RPL19: variants seen among roughly 807,000 people sequenced by gnomAD.
The protein encoded by RPL19 is large ribosomal subunit protein eL19.
In RPL19, 2 loss-of-function variants were observed where a neutral mutation model predicts 25.1. That is an observed-to-expected ratio of 0.08 (90% CI 0.03 to 0.25). The LOEUF (loss-of-function observed/expected upper bound fraction) is 0.25, where lower values mean the gene tolerates loss of function less well. RPL19 is among the 10% of genes least tolerant of loss of function. The pLI, the probability that RPL19 is intolerant of heterozygous loss-of-function variation, is 1.00. For missense variants in RPL19, 123 were observed against 271.8 expected, an observed-to-expected ratio of 0.45 and a Z score of 3.85; for synonymous variants, 89 against 91.2, an observed-to-expected ratio of 0.98 and a Z score of 0.14.
intron 2 of RPL19, among the ~76,000 whole-genome samples, 190 bp downstream of exon 2, chr17:39,201,509 C>T (rs1284575753): frequency 6.6e-6 from 1 of 151,900 alleles, no homozygotes. Flanking sequence ...TCTCCCACCT[C>T]AGCCTCCTGA....
intron 1 of RPL19, 141 bp downstream of exon 1, chr17:39,200,490 C>T: frequency 7.6e-7 from 1 of 1,308,702 alleles, no homozygotes; most frequent in Non-Finnish European, 9.8e-7. Flanking sequence ...TAGGCCGGAG[C>T]ACTTTCGTCC....
rs1254735850 is a variant in RPL19 at position 39,204,728 on chromosome 17, CT to C, written c.*82del. 2 of 1,403,330 alleles carry C rather than the reference CT, an allele frequency of 1.4e-6. No individual in the cohort carries two copies. The highest frequency in any genetic ancestry group is 4.7e-5 in the East Asian group (2 of 42,542). The allele number at this position is 1,403,330 out of a possible 1,614,324, so 86.9% of individuals were successfully genotyped here. Reference sequence around the variant, plus strand: ...TAAAATAAAACAAGCCTTAATCTGCCTTCCTCTCTGCTTCTTGCAAGGTTTA... The same window carrying C: ...TAAAATAAAACAAGCCTTAATCTGCCTCCTCTCTGCTTCTTGCAAGGTTTA... On this transcript the variant is annotated 3_prime_UTR_variant, in exon 6 of 6. Transcript: ENST00000225430.
intron 3 of RPL19, 44 bp downstream of exon 3, chr17:39,202,483 A>G: frequency 6.2e-7 from 1 of 1,610,024 alleles, no homozygotes; most frequent in Non-Finnish European, 8.5e-7. Context: ...AGGTGCTGGC[A>G]TCTATGCTGA....
In RPL19 at chr17:39,201,203, G is replaced by A; in HGVS notation, c.6-10G>A. 1.3e-6 allele frequency: 2 copies of A among 1,582,376 alleles called. No homozygotes were observed. Among genetic ancestry groups the A allele is most frequent in the South Asian group, 1.1e-5 (1 of 88,930 alleles). On this transcript the variant is annotated splice_polypyrimidine_tract_variant and intron_variant, in intron 1 of 5. Coordinates refer to ENST00000225430, the MANE Select transcript of RPL19 (RefSeq NM_000981.4). ...CTTTCAGAGTCTAATCATGTTTTCT[G>A]TGTGTCTAGTATGCTCAGGCTTCAG... is the stretch of plus-strand genomic sequence containing the variant.
intron 1 of RPL19, 83 bp from the exon 2 acceptor site, chr17:39,201,130 C>A: frequency 2.3e-6 from 2 of 876,768 alleles, no homozygotes; most frequent in Non-Finnish European, 3.7e-6. Flanking sequence ...TGGTGTGGGT[C>A]ACAAAGGGCA....
intron 3 of RPL19, 84 bp from the exon 4 acceptor site, chr17:39,202,905 C>A: frequency 1.3e-6 from 2 of 1,491,578 alleles, no homozygotes; most frequent in South Asian, 1.2e-5. Context: ...AGTTAAGGAC[C>A]CTGACTTGAA....
intron 2 of RPL19, 34 bp downstream of exon 2, chr17:39,201,353 TC>T: frequency 8.2e-7 from 1 of 1,221,288 alleles, no homozygotes; most frequent in Non-Finnish European, 1.2e-6. Flanking sequence ...TCACCCTACT[TC>T]CTTCTTTTCT....
At chr17:39,202,924 C>T in intron 3 of RPL19, 65 bp from the exon 4 acceptor site, 1 of 1,574,346 alleles carries the variant, frequency 6.4e-7, no homozygotes, top group Non-Finnish European at 8.7e-7. Context: ...AAACTATATT[C>T]ACTTGGTGTA....
chr17:39,203,750 G>A (rs1352080836), intron 4 of RPL19, among the ~76,000 whole-genome samples: 5 of 151,944 alleles, frequency 3.3e-5, no homozygotes, highest in Admixed American at 2.0e-4. Flanking sequence ...CAAGTGATCC[G>A]CCCGCCTCAG....
chr17:39,203,896 G>A (rs1374871206), intron 4 of RPL19, among the ~76,000 whole-genome samples, 181 bp from the exon 5 acceptor site: 1 of 152,036 alleles, frequency 6.6e-6, no homozygotes, highest in Non-Finnish European at 1.5e-5. Context: ...CAGTTTATTT[G>A]CCAGGCAAGT....
chr17:39,201,048 A>T, intron 1 of RPL19, 165 bp from the exon 2 acceptor site: 1 of 580,518 alleles, frequency 1.7e-6, no homozygotes, highest in Non-Finnish European at 3.0e-6. Context: ...TTGAAGTCTT[A>T]AACCCAAGGG....
At chr17:39,201,476 C>T (rs2046288909) in intron 2 of RPL19, among the ~76,000 whole-genome samples, 157 bp downstream of exon 2, 1 of 151,722 alleles carries the variant, frequency 6.6e-6, no homozygotes. Context: ...TCATTGCAAC[C>T]CCTGCTCCCA....
At position 39,202,436 on chromosome 17, in the gene RPL19, A is replaced by C. The variant is rs746512525; in HGVS notation, c.232A>C (p.Ile78Leu). ...CCGCCGGAAGGGCAGGCACATGGGC[A>C]TAGGTAAGTGTGGTCATCTTCTCCT... The part of the protein sequence containing the change: ...LARRKGRHMG[I>L]GKRKGTANAR... Residue 78 changes from isoleucine to leucine, a missense_variant, in exon 3 of 6, where the codon ATA becomes CTA. Physicochemically the swap from Ile to Leu is conservative, Grantham distance 5. Coordinates refer to ENST00000225430, the MANE Select transcript of RPL19 (RefSeq NM_000981.4). The C allele has an allele frequency of 1.2e-6, 2 of 1,614,190 alleles. No homozygotes were observed. The highest frequency in any genetic ancestry group is 1.7e-6 in the Non-Finnish European group (2 of 1,180,000).
intron 1 of RPL19, 159 bp downstream of exon 1, chr17:39,200,508 C>T: frequency 1.5e-6 from 2 of 1,297,242 alleles, no homozygotes; most frequent in Non-Finnish European, 2.0e-6. Flanking sequence ...TCCCGGGCCT[C>T]CGGAGTGAGG....
At chr17:39,202,836 GATC>G (rs1260305557) in intron 3 of RPL19, 150 bp from the exon 4 acceptor site, 44 of 811,928 alleles carry the variant, frequency 5.4e-5, no homozygotes, top group Non-Finnish European at 7.9e-5. Context: ...ACGTAGTTGG[GATC>G]ATCATCTGGA....
At chr17:39,203,926 C>CAAAA in intron 4 of RPL19, 151 bp from the exon 5 acceptor site, 4 of 586,304 alleles carry the variant, frequency 6.8e-6, no homozygotes, top group Admixed American at 2.9e-5. Context: ...GAACTGCACA[C>CAAAA]AAAAAAGTCA....
intron 3 of RPL19, 198 bp from the exon 4 acceptor site, chr17:39,202,791 G>A (rs538225096): frequency 7.9e-4 from 502 of 639,464 alleles, no homozygotes; most frequent in Non-Finnish European, 1.2e-3. Flanking sequence ...TGCTGTATTT[G>A]TGCTTCCTTT....
chr17:39,200,904 C>T (rs921348714), intron 1 of RPL19, among the ~76,000 whole-genome samples: 1 of 152,162 alleles, frequency 6.6e-6, no homozygotes, highest in African/African-American at 2.4e-5. Flanking sequence ...GGTCTACTCA[C>T]CTCGAATATT....
chr17:39,204,510 C>G lies in RPL19; in HGVS notation c.468-15C>G. On this transcript the variant is annotated splice_polypyrimidine_tract_variant and intron_variant, in intron 5 of 5. Coordinates refer to ENST00000225430, the MANE Select transcript of RPL19 (RefSeq NM_000981.4). ...CTCTTCCCAAACTGACCCGTCTTTT[C>G]TCTTCCCTGACCAGTGACCAGGCTG... 1.2e-6 allele frequency: 2 copies of G among 1,613,844 alleles called. No individual in the cohort carries two copies. Among genetic ancestry groups the G allele is most frequent in the Non-Finnish European group, 1.7e-6 (2 of 1,179,838 alleles).
Sources: gnomAD v4.1 joint callset for allele counts (sites outside exome capture counted in the v4.1 genomes callset) on GRCh38, gnomAD v4.1.1 for gene constraint, MANE v1.5 for transcripts, NCBI Gene and HGNC (gene_info 2026-07-23, HGNC 2026-07-21) for gene names.